Variants in RAPGEF2 observed in about 807,000 individuals in gnomAD.
The protein encoded by RAPGEF2 is PDZ domain containing guanine nucleotide exchange factor (GEF) 1.
In RAPGEF2, 54 loss-of-function variants were observed where a neutral mutation model predicts 186.7. The observed-to-expected ratio is 0.29, with a 90% CI of 0.23 to 0.36. RAPGEF2 has a LOEUF of 0.36. Ranked by LOEUF, RAPGEF2 falls within the 10% of genes least tolerant of loss-of-function variation. RAPGEF2 has a pLI of 1.00. For missense variants in RAPGEF2, 1,532 were observed against 2,045.0 expected, an observed-to-expected ratio of 0.75 and a Z score of 4.84; for synonymous variants, 712 against 705.9, an observed-to-expected ratio of 1.01 and a Z score of -0.14.
At chr4:159,335,867 T>C (rs989647231) in intron 17 of RAPGEF2, among the ~76,000 whole-genome samples, 3 of 143,166 alleles carry the variant, frequency 2.1e-5, no homozygotes, top group Non-Finnish European at 3.0e-5. Context: ...AAAGGTTGAG[T>C]GTGCCTGCAA....
chr4:159,350,139 A>T lies in RAPGEF2; in HGVS notation c.3715A>T (p.Ile1239Leu). ...VPVKDLPPFG[I>L]NSPQALKKIL... ...AGGTTTTTTTTTTTCCATTATAGGC[A>T]TAAACTCTCCACAAGCTTTAAAAAA... Residue 1239 changes from isoleucine to leucine, a missense_variant and splice_region_variant, in exon 26 of 30, where the codon ATA becomes TTA. By Grantham distance (5) the Ile-to-Leu change is conservative. This residue lies in a region of RAPGEF2 where 594 missense variants were observed against 608.5 expected (regional missense o/e 0.98). Coordinates refer to ENST00000691494, the MANE Select transcript of RAPGEF2 (RefSeq NM_001394067.2). The T allele has an allele frequency of 6.5e-7, 1 of 1,547,812 alleles. No homozygotes were observed. Among genetic ancestry groups the T allele is most frequent in the South Asian group, 1.3e-5 (1 of 78,446 alleles).
intron 7 of RAPGEF2, among the ~76,000 whole-genome samples, chr4:159,295,776 T>TA (rs1431270069): frequency 6.3e-5 from 9 of 142,616 alleles, no homozygotes; most frequent in Non-Finnish European, 9.2e-5. Context: ...CGCGCGCGCA[T>TA]GCACATAATG....
At chr4:159,165,510 T>C (rs955436768) in intron 1 of RAPGEF2, among the ~76,000 whole-genome samples, 1 of 152,244 alleles carries the variant, frequency 6.6e-6, no homozygotes, top group African/African-American at 2.4e-5. Context: ...CTAAAGGTTT[T>C]TGAAGTCAGG....
chr4:159,286,030 A>ACCCACC (rs1554026580), intron 7 of RAPGEF2, among the ~76,000 whole-genome samples: 1 of 89,234 alleles, frequency 1.1e-5, no homozygotes, highest in Non-Finnish European at 2.4e-5. Flanking sequence ...TGTTCCCCCC[A>ACCCACC]ACCACCACCA....
intron 25 of RAPGEF2, 74 bp downstream of exon 25, chr4:159,347,072 G>A: frequency 7.4e-7 from 1 of 1,350,554 alleles, no homozygotes; most frequent in Non-Finnish European, 1.0e-6. Flanking sequence ...AAAAATATTT[G>A]TCTTGGATAA....
chr4:159,168,552 C>A (rs1187966586), intron 1 of RAPGEF2, among the ~76,000 whole-genome samples: 1 of 151,776 alleles, frequency 6.6e-6, no homozygotes, highest in Non-Finnish European at 1.5e-5. Flanking sequence ...TGGGTTTCAT[C>A]CCCAAGAGCA....
intron 19 of RAPGEF2, among the ~76,000 whole-genome samples, chr4:159,340,853 A>G (rs1729373744): frequency 6.6e-6 from 1 of 152,204 alleles, no homozygotes; most frequent in African/African-American, 2.4e-5. Context: ...ATTTTCAACA[A>G]ATTGCCTAAA....
Position 159,304,508 on chromosome 4 carries a change from T to A in RAPGEF2, c.675+35T>A, listed in dbSNP as rs1192752172. The A allele has an allele frequency of 3.2e-6, 5 of 1,561,466 alleles. No individual in the cohort carries two copies. In the South Asian group the frequency reaches 4.6e-5, roughly 14 times the overall value. The stretch of plus-strand genomic sequence containing the variant: ...TGTTTTCCTTGTCATTTGCTTCATT[T>A]TCATTTATTCCAAGAAATTTTAAGG... On this transcript the variant is annotated intron_variant, in intron 8 of 29. Transcript: ENST00000691494.
In RAPGEF2 at chr4:159,351,284, T is replaced by C; in HGVS notation, c.3865+995T>C. 6 of 1,297,646 alleles carry C rather than the reference T, an allele frequency of 4.6e-6. No individual in the cohort carries two copies. In the Admixed American group the frequency reaches 8.5e-5, roughly 18 times the overall value. 80.4% of individuals were successfully genotyped at this position (1,297,646 alleles called of 1,614,324 possible). A position where few individuals can be genotyped will look rare whatever the true frequency, so the allele number is the denominator to read the frequency against. Reference sequence around the variant, plus strand: ...CCAAATGTCAAGTGCTCCATCTGAGTGATTTATTTTTCTGAAACTTTTTTT... The same window carrying C: ...CCAAATGTCAAGTGCTCCATCTGAGCGATTTATTTTTCTGAAACTTTTTTT... On this transcript the variant is annotated intron_variant, in intron 26 of 29. Coordinates refer to ENST00000691494, the MANE Select transcript of RAPGEF2 (RefSeq NM_001394067.2).
intron 1 of RAPGEF2, among the ~76,000 whole-genome samples, chr4:159,108,638 A>G (rs1159201770): frequency 2.0e-5 from 3 of 152,120 alleles, no homozygotes; most frequent in Non-Finnish European, 4.4e-5. Flanking sequence ...TTATTTGGGT[A>G]GATTTTGGAT....
At chr4:159,251,343 C>T (rs760540564) in intron 7 of RAPGEF2, among the ~76,000 whole-genome samples, 12 of 152,228 alleles carry the variant, frequency 7.9e-5, no homozygotes, top group South Asian at 2.1e-4. Context: ...GAGCTCTGCC[C>T]GCGTCCCAGG....
intron 5 of RAPGEF2, among the ~76,000 whole-genome samples, chr4:159,239,881 T>A (rs752178751): frequency 6.6e-6 from 1 of 152,178 alleles, no homozygotes; most frequent in African/African-American, 2.4e-5. Flanking sequence ...TAGGTCTCTT[T>A]TCAGAGAAGA....
At chr4:159,146,899 C>G (rs763786292) in intron 1 of RAPGEF2, among the ~76,000 whole-genome samples, 27 of 152,208 alleles carry the variant, frequency 1.8e-4, no homozygotes, top group Non-Finnish European at 3.5e-4. Flanking sequence ...CCTTTCTGTA[C>G]TTCCAAAATA....
chr4:159,233,341 G>A (rs911303319), intron 4 of RAPGEF2, among the ~76,000 whole-genome samples: 2 of 152,032 alleles, frequency 1.3e-5, no homozygotes, highest in Admixed American at 6.6e-5. Context: ...TATCTTGTGC[G>A]GTAGGGGTCC....
chr4:159,308,625 A>G (rs541228491), intron 8 of RAPGEF2, among the ~76,000 whole-genome samples: 1 of 152,346 alleles, frequency 6.6e-6, no homozygotes, highest in African/African-American at 2.4e-5. Context: ...AAATGCTCAC[A>G]AGATGGACAC....
At chr4:159,299,177 A>G (rs1762365469) in intron 7 of RAPGEF2, among the ~76,000 whole-genome samples, 1 of 152,116 alleles carries the variant, frequency 6.6e-6, no homozygotes, top group Non-Finnish European at 1.5e-5. Context: ...TGTGATATTT[A>G]TTTTACTTTA....
At chr4:159,257,236 C>T (rs1278504977) in intron 7 of RAPGEF2, among the ~76,000 whole-genome samples, 2 of 152,136 alleles carry the variant, frequency 1.3e-5, no homozygotes, top group Non-Finnish European at 2.9e-5. Flanking sequence ...CTGATAAAGG[C>T]ATACCTGACA....
At chr4:159,152,611 C>CT (rs953444605) in intron 1 of RAPGEF2, among the ~76,000 whole-genome samples, 25 of 151,864 alleles carry the variant, frequency 1.6e-4, no homozygotes, top group African/African-American at 5.3e-4. Context: ...CTGTTAAAAA[C>CT]TTTTTTTTGT....
chr4:159,328,567 T>C (rs144539026), intron 11 of RAPGEF2: 2 of 152,222 alleles, frequency 1.3e-5, no homozygotes, highest in African/African-American at 2.4e-5. Flanking sequence ...CTATTGATTA[T>C]GCGGAAAGCA....
Sources: allele counts gnomAD v4.1 joint callset (sites outside exome capture counted in the v4.1 genomes callset), GRCh38; gene constraint gnomAD v4.1.1; regional missense constraint gnomAD v4.1.1; transcripts MANE v1.5; gene names NCBI Gene and HGNC (gene_info 2026-07-23, HGNC 2026-07-21).